The following DYNC2H1 variants were observed in gnomAD, a reference collection of about 807,000 sequenced individuals.
DYNC2H1 encodes the protein dynein cytoplasmic 2 heavy chain 1.
Under a neutral mutation model 570.0 loss-of-function variants are expected in DYNC2H1, and 410 were observed. The ratio of observed to expected loss-of-function variants is 0.72; its 90% CI spans 0.66 to 0.78. The LOEUF is 0.78. Among genes scored for constraint, DYNC2H1 ranks in the 30% least tolerant of loss-of-function variants. The pLI, the probability that DYNC2H1 is intolerant of heterozygous loss-of-function variation, is 0.00. For synonymous variants in DYNC2H1, 1,688 were observed against 1,677.6 expected, an observed-to-expected ratio of 1.01 and a Z score of -0.15; for missense variants, 4,865 against 5,046.4, an observed-to-expected ratio of 0.96 and a Z score of 1.09.
Position 103,252,953 on chromosome 11 carries a change from A to T in DYNC2H1, c.10043-332A>T, listed in dbSNP as rs1864893616. Among the ~76,000 whole-genome samples, 1 of 152,166 alleles carries T rather than the reference A, an allele frequency of 6.6e-6. No homozygotes were observed. The highest frequency in any genetic ancestry group is 1.5e-5 in the Non-Finnish European group (1 of 68,020). ...TAGAAGTAAAGAAAAAATATAATTG[A>T]GGATTTCTATTTTTGTCATCTATAA... On this transcript the variant is annotated intron_variant, in intron 65 of 88. Transcript: ENST00000375735. This position sits in a 1 kb window ranked among gnomAD's most constrained non-coding sequence, Gnocchi z 4.6.
chr11:103,380,854 G>T (rs913733901), intron 83 of DYNC2H1, among the ~76,000 whole-genome samples: 5 of 152,280 alleles, frequency 3.3e-5, no homozygotes, highest in African/African-American at 1.2e-4. Context: ...GAGCCAACAT[G>T]CCTGGCCGAG....
In DYNC2H1 at chr11:103,186,395, A is replaced by G. The variant is rs1862072124; in HGVS notation, c.6787A>G (p.Ile2263Val). The G allele has an allele frequency of 1.9e-6, 3 of 1,612,978 alleles. No individual in the cohort carries two copies. The highest frequency in any genetic ancestry group is 4.5e-5 in the East Asian group (2 of 44,822). Residue 2263 changes from isoleucine (I) to valine (V), a missense_variant, in exon 42 of 89, where the codon ATT (isoleucine) becomes GTT (valine). By Grantham distance (29) the Ile-to-Val change is conservative. Coordinates refer to ENST00000375735, the MANE Select transcript of DYNC2H1 (RefSeq NM_001377.3). The surrounding 1 kb of genome is among the most constrained non-coding windows in gnomAD (Gnocchi z 4.5). ...CAGTAACGGCTTAACTCTTCCAGTCATTCAGACTCCTGACATGCAACGAGG... is the reference window on the plus strand; with the variant it reads ...CAGTAACGGCTTAACTCTTCCAGTCGTTCAGACTCCTGACATGCAACGAGG... Reference protein sequence around the residue: ...DFSNGLTLPVIQTPDMQRGLD... With the variant: ...DFSNGLTLPVVQTPDMQRGLD...
At position 103,260,051 on chromosome 11, in the gene DYNC2H1, T is replaced by TTATAAATATATATATTTATAA. The variant is rs1238962636; in HGVS notation, c.10695+74_10695+75insTATAAATATATATATTTATAA. 113 of 880,158 alleles carry TTATAAATATATATATTTATAA rather than the reference T, an allele frequency of 1.3e-4. 2 individuals carry two copies. Among genetic ancestry groups the TTATAAATATATATATTTATAA allele is most frequent in the South Asian group, 6.6e-4 (30 of 45,776 alleles). 54.5% of individuals were successfully genotyped at this position (880,158 alleles called of 1,614,324 possible). ...TTTAACGTAATATTTATAGTTATAG[T>TTATAAATATATATATTTATAA]ATAACTCTTTCCCTACTGGAAAGGT... On this transcript the variant is annotated intron_variant, in intron 70 of 88. Transcript: ENST00000375735.
At chr11:103,438,626 A>G (rs1012858661) in intron 85 of DYNC2H1, among the ~76,000 whole-genome samples, 5 of 152,146 alleles carry the variant, frequency 3.3e-5, no homozygotes, top group African/African-American at 1.2e-4. Flanking sequence ...GGTGTCATAT[A>G]TCATGCCAGT....
At chr11:103,172,522 C>T (rs376105412) in intron 34 of DYNC2H1, among the ~76,000 whole-genome samples, 2 of 152,016 alleles carry the variant, frequency 1.3e-5, no homozygotes, top group Non-Finnish European at 2.9e-5. Context: ...CTTCTACTTA[C>T]TAATTGCCCA....
chr11:103,248,237 G>T (rs934891073), intron 65 of DYNC2H1, among the ~76,000 whole-genome samples: 2 of 151,896 alleles, frequency 1.3e-5, no homozygotes, highest in African/African-American at 4.8e-5. Context: ...ATCTTGAGTT[G>T]TGCCTGAGTG....
In DYNC2H1 at chr11:103,465,790, TG is replaced by T. The variant is rs1945178685; in HGVS notation, c.12649-2797del. 1.3e-5 allele frequency among the ~76,000 whole-genome samples: 2 copies of T among 152,204 alleles called. No individual in the cohort carries two copies. The highest frequency in any genetic ancestry group is 2.4e-5 in the African/African-American group (1 of 41,456). ...AGTAGACTAGGAGAGCTTCCTTATA[TG>T]GTGGTTTCAGTGCAGCATTTCTAGA... On this transcript the variant is annotated intron_variant, in intron 87 of 88. Transcript: ENST00000375735. This position sits in a 1 kb window ranked among gnomAD's most constrained non-coding sequence, Gnocchi z 4.9.
In DYNC2H1 at chr11:103,311,971, G is replaced by A. The variant is rs1209565960; in HGVS notation, c.11587G>A (p.Ala3863Thr). The stretch of plus-strand genomic sequence containing the variant: ...AAAAGATAATACACATCGAGCTCAT[G>A]CTCTCTTCAGTCTTGCATGGTTTCA... ...SKKDNTHRAH[A>T]LFSLAWFHAA... is the part of the protein sequence containing the mutation. Residue 3863 changes from alanine to threonine, a missense_variant, in exon 79 of 89, where the codon GCT becomes ACT. This residue lies in a region of DYNC2H1 where 2,401 missense variants were observed against 2,454.6 expected (regional missense o/e 0.98). Coordinates refer to ENST00000375735, the MANE Select transcript of DYNC2H1 (RefSeq NM_001377.3). The A allele has an allele frequency of 3.1e-6, 5 of 1,613,554 alleles. No individual in the cohort carries two copies. The highest frequency in any genetic ancestry group is 1.3e-5 in the African/African-American group (1 of 74,900).
chr11:103,274,124 G>T (rs902916134), intron 70 of DYNC2H1, among the ~76,000 whole-genome samples: 1 of 147,420 alleles, frequency 6.8e-6, no homozygotes, highest in African/African-American at 2.7e-5. Flanking sequence ...ACATTTGTTT[G>T]TGTGTGTGTG....
intron 59 of DYNC2H1, among the ~76,000 whole-genome samples, chr11:103,227,991 A>T (rs905872422): frequency 2.6e-5 from 4 of 152,148 alleles, no homozygotes; most frequent in African/African-American, 9.7e-5. Flanking sequence ...TGTCTGATAT[A>T]AGAATAGCTA....
At position 103,173,068 on chromosome 11, in the gene DYNC2H1, A is replaced by G. The variant is rs372488002; in HGVS notation, c.5335-14A>G. 3.3e-4 allele frequency: 384 copies of G among 1,178,186 alleles called. 10 individuals are homozygous for G. The South Asian group carries it at 0.011, about 34-fold the overall frequency. The allele number at this position is 1,178,186 out of a possible 1,614,324, so 73.0% of individuals were successfully genotyped here. A position where few individuals can be genotyped will look rare whatever the true frequency, so the allele number is the denominator to read the frequency against. On this transcript the variant is annotated splice_polypyrimidine_tract_variant and intron_variant, in intron 34 of 88. Transcript: ENST00000375735. ...ATTTAATATTTAAATTAATATTTTT[A>G]ATTAATATTTCAGGTAGAAGTAAAT...
intron 9 of DYNC2H1, 132 bp downstream of exon 9, chr11:103,121,168 T>C: frequency 2.2e-6 from 2 of 903,058 alleles, no homozygotes; most frequent in South Asian, 4.7e-5. Context: ...AATTTACTTA[T>C]TCTGTTATAA....
chr11:103,255,160 T>C (rs1253472870), intron 66 of DYNC2H1, among the ~76,000 whole-genome samples: 1 of 152,208 alleles, frequency 6.6e-6, no homozygotes, highest in Non-Finnish European at 1.5e-5. Flanking sequence ...TATTACACAT[T>C]GATATGTTAA....
At chr11:103,172,132 A>T (rs1378128079) in intron 34 of DYNC2H1, among the ~76,000 whole-genome samples, 1 of 152,154 alleles carries the variant, frequency 6.6e-6, no homozygotes. Flanking sequence ...AATTGTTAAC[A>T]TGTTGTTTAT....
chr11:103,426,014 G>C (rs987691538), intron 84 of DYNC2H1, among the ~76,000 whole-genome samples: 11 of 152,122 alleles, frequency 7.2e-5, no homozygotes, highest in Admixed American at 2.6e-4. Context: ...TGAAGGTTGT[G>C]GGTTTACCAG....
At chr11:103,221,919 T>C in intron 57 of DYNC2H1, 111 bp from the exon 58 acceptor site, 1 of 1,083,212 alleles carries the variant, frequency 9.2e-7, no homozygotes, top group Non-Finnish European at 1.3e-6. Context: ...ACCATATTTT[T>C]GTTAACTAAT....
At position 103,324,077 on chromosome 11, in the gene DYNC2H1, C is replaced by A. The variant is rs1012129182; in HGVS notation, c.12039+87C>A. 6 of 681,432 alleles carry A rather than the reference C, an allele frequency of 8.8e-6. No homozygotes were observed. The highest frequency in any genetic ancestry group is 1.3e-5 in the Non-Finnish European group (6 of 461,914). 42.2% of individuals were successfully genotyped at this position (681,432 alleles called of 1,614,324 possible). A position where few individuals can be genotyped will look rare whatever the true frequency, so the allele number is the denominator to read the frequency against. On this transcript the variant is annotated intron_variant, in intron 82 of 88. Transcript: ENST00000375735. This position sits in a 1 kb window ranked among gnomAD's most constrained non-coding sequence, Gnocchi z 5.2. ...TTAAACTTGATTTAGTACTGTAGAC[C>A]CCACAAGCTTTATTTAAACATTTTA...
intron 11 of DYNC2H1, 85 bp from the exon 12 acceptor site, chr11:103,125,015 C>T (rs984110886): frequency 9.8e-7 from 1 of 1,020,830 alleles, no homozygotes; most frequent in Non-Finnish European, 1.4e-6. Flanking sequence ...ATTAGATGTA[C>T]AGAAAAGTTG....
intron 82 of DYNC2H1, among the ~76,000 whole-genome samples, chr11:103,335,503 G>C (rs1170416762): frequency 6.6e-6 from 1 of 152,022 alleles, no homozygotes; most frequent in Non-Finnish European, 1.5e-5. Flanking sequence ...GATTAGCAGA[G>C]AGGAGAAAAA....
Sources: allele counts gnomAD v4.1 joint callset (sites outside exome capture counted in the v4.1 genomes callset), GRCh38; gene constraint gnomAD v4.1.1; regional missense constraint gnomAD v4.1.1; non-coding constraint Gnocchi (gnomAD v3.1); transcripts MANE v1.5; gene names NCBI Gene and HGNC (gene_info 2026-07-23, HGNC 2026-07-21).